Variants in NOP14 observed in about 807,000 individuals in gnomAD.
NOP14 encodes NOP14 nucleolar protein, also known as nucleolar protein 14.
Under a neutral mutation model 101.6 loss-of-function variants are expected in NOP14, and 57 were observed. That is an observed-to-expected ratio of 0.56 (90% CI 0.45 to 0.70). The LOEUF (loss-of-function observed/expected upper bound fraction) is 0.70, where lower values mean the gene tolerates loss of function less well. NOP14 is among the 30% of genes least tolerant of loss of function. The pLI is 0.00. For missense variants in NOP14, 1,134 were observed against 1,075.5 expected (o/e 1.05, Z -0.76); for synonymous variants, 428 against 424.0 (o/e 1.01, Z -0.12).
Position 2,944,112 on chromosome 4 carries a change from C to G in NOP14, c.1852G>C (p.Gly618Arg). The change falls in exon 13 of 18, where the codon GGG becomes CGG. Residue 618 changes from glycine to arginine, a missense_variant. Physicochemically the swap from Gly to Arg is moderately radical, Grantham distance 125. Coordinates refer to ENST00000416614, the MANE Select transcript of NOP14 (RefSeq NM_001291978.2). ...FIPELINFLL[G>R]ILYIATPNKA... ...TTTGGAGTTGCTATGTAAAGAATCC[C>G]AAGAAGAAAATTAATAAGCTCAGGT... 1.2e-6 allele frequency: 2 copies of G among 1,613,122 alleles called. No individual in the cohort carries two copies. The highest frequency in any genetic ancestry group is 1.7e-6 in the Non-Finnish European group (2 of 1,179,622).
intron 11 of NOP14, among the ~76,000 whole-genome samples, chr4:2,946,174 AGATCACCCTCACTGCCGTGCACT>A (rs1714620035): frequency 9.9e-6 from 1 of 100,766 alleles, no homozygotes; most frequent in African/African-American, 4.3e-5. Flanking sequence ...TGCACTCTCC[AGATCACCCTCACTGCCGTGCACT>A]CTCCAGATCA....
In NOP14 at chr4:2,950,123, A is replaced by T. The variant is rs1368495148; in HGVS notation, c.1093T>A (p.Ser365Thr). The T allele has an allele frequency of 1.2e-6, 2 of 1,614,004 alleles. No homozygotes were observed. The highest frequency in any genetic ancestry group is 4.5e-5 in the East Asian group (2 of 44,888). ...CTCTCCTCTGTGTCCTCCCCGCCTG[A>T]ACTGTCACCTTCTTCCTCGTTGCTC... ...PESNEEEGDS[S>T]GGEDTEESDS... Residue 365 changes from serine (S) to threonine (T), a missense_variant, in exon 8 of 18, where the codon TCA (serine) becomes ACA (threonine). Ser to Thr is a moderately conservative substitution (Grantham distance 58). Transcript: ENST00000416614.
At chr4:2,956,613 G>A in intron 3 of NOP14, 57 bp downstream of exon 3, 1 of 1,528,076 alleles carries the variant, frequency 6.5e-7, no homozygotes, top group Non-Finnish European at 8.8e-7. Context: ...GTCTAACAAT[G>A]AACAGACTCT....
At chr4:2,944,049 G>C in intron 13 of NOP14, 24 bp downstream of exon 13, 1 of 1,579,110 alleles carries the variant, frequency 6.3e-7, no homozygotes, top group South Asian at 1.2e-5. Context: ...CATATTTGTA[G>C]GAACCTCCCT....
chr4:2,947,803 G>A (rs1044744168), intron 9 of NOP14, 192 bp from the exon 10 acceptor site: 8 of 606,700 alleles, frequency 1.3e-5, no homozygotes, highest in African/African-American at 1.1e-4. Context: ...ACTAGAAGGT[G>A]TAGGGGGGAG....
intron 1 of NOP14, among the ~76,000 whole-genome samples, chr4:2,958,812 C>T (rs1009506787): frequency 6.6e-6 from 1 of 152,160 alleles, no homozygotes; most frequent in South Asian, 2.1e-4. Flanking sequence ...TAGGTCACTT[C>T]CCCAGGGTCG....
In NOP14 at chr4:2,950,034, C is replaced by T; in HGVS notation, c.1182G>A (p.Lys394=). 6.2e-7 allele frequency: 1 copy of T among 1,614,232 alleles called. No homozygotes were observed. Among genetic ancestry groups the T allele is most frequent in the East Asian group, 2.2e-5 (1 of 44,880 alleles). Reference sequence around the variant, plus strand: ...GAGTCTGCCTCTGCTCTTTTGCTGGCTTCTCGTTTTCTTCCTCACTCTCCA... The same window carrying T: ...GAGTCTGCCTCTGCTCTTTTGCTGGTTTCTCGTTTTCTTCCTCACTCTCCA... The part of the protein sequence containing the change: ...SNVESEEENE[K]PAKEQRQTPG... Residue 394 remains lysine (K), a synonymous_variant, in exon 8 of 18, where the codon AAG becomes AAA. Coordinates refer to ENST00000416614, the MANE Select transcript of NOP14 (RefSeq NM_001291978.2).
chr4:2,954,266 T>C (rs1043145320), intron 4 of NOP14, among the ~76,000 whole-genome samples, 158 bp downstream of exon 4: 4 of 152,230 alleles, frequency 2.6e-5, no homozygotes, highest in African/African-American at 7.2e-5. Flanking sequence ...ATATGCTTTA[T>C]GTGATTTTTA....
In NOP14 at chr4:2,942,251, G is replaced by A; in HGVS notation, c.1992C>T (p.Leu664=). 2 of 1,614,144 alleles carry A rather than the reference G, an allele frequency of 1.2e-6. No homozygotes were observed. The highest frequency in any genetic ancestry group is 1.3e-5 in the African/African-American group (1 of 75,064). ...TCAGTCTACTCGCCCAGCGGAGGGA[G>A]AGGCTGCTCTGCTGCCACGTGGCCA... ...EDVATWQQSS[L]SLRWASRLRA... Residue 664 remains leucine (L), a synonymous_variant, in exon 14 of 18, where the codon CTC becomes CTT. Coordinates refer to ENST00000416614, the MANE Select transcript of NOP14 (RefSeq NM_001291978.2).
rs553327785 is a variant in NOP14 at position 2,938,610 on chromosome 4, GTCC to G, written c.*218_*220del. On this transcript the variant is annotated 3_prime_UTR_variant, in exon 18 of 18. Coordinates refer to ENST00000416614, the MANE Select transcript of NOP14 (RefSeq NM_001291978.2). ...TGTAACCTTGGACTCAGCTCAAGCA[GTCC>G]TCCTGCTTCAGCCTCCCGAGTAGTT... 2.5e-5 allele frequency: 14 copies of G among 550,302 alleles called. No individual in the cohort carries two copies. The highest frequency in any genetic ancestry group is 7.6e-5 in the African/African-American group (4 of 52,920). The allele number at this position is 550,302 out of a possible 1,614,324, so 34.1% of individuals were successfully genotyped here. A position where few individuals can be genotyped will look rare whatever the true frequency, so the allele number is the denominator to read the frequency against.
In NOP14 at chr4:2,963,239, G is replaced by A; in HGVS notation, c.81C>T (p.Ala27=). ...CTTTCACCTCGAACGGATTGGAGTT[G>A]GCCTTCGCCGGGCCCCCTCGCGCTC... The part of the protein sequence containing the change: ...PAGARGGPAK[A]NSNPFEVKVN... The change falls in exon 1 of 18, where the codon GCC becomes GCT. Residue 27 remains alanine, a synonymous_variant. Transcript: ENST00000416614. 6.3e-7 allele frequency: 1 copy of A among 1,590,406 alleles called. No homozygotes were observed. Among genetic ancestry groups the A allele is most frequent in the Non-Finnish European group, 8.5e-7 (1 of 1,170,934 alleles).
chr4:2,947,556 G>C lies in NOP14; in HGVS notation c.1469C>G (p.Pro490Arg). 1.9e-6 allele frequency: 3 copies of C among 1,613,888 alleles called. No individual in the cohort carries two copies. In the South Asian group the frequency reaches 3.3e-5, roughly 18 times the overall value. ...YVGDLATDDPPDLTVIDKLVV... is the reference protein window; with the variant it reads ...YVGDLATDDPRDLTVIDKLVV... ...CAACTTATCAATGACTGTGAGGTCT[G>C]GTGGGTCATCTGTAGCCAAATCGCC... Residue 490 changes from proline to arginine, a missense_variant, in exon 10 of 18, where the codon CCA (proline) becomes CGA (arginine). By Grantham distance (103) the Pro-to-Arg change is moderately radical. Coordinates refer to ENST00000416614, the MANE Select transcript of NOP14 (RefSeq NM_001291978.2).
chr4:2,957,024 CAG>C (rs1292685627), intron 2 of NOP14, among the ~76,000 whole-genome samples: 5 of 151,928 alleles, frequency 3.3e-5, no homozygotes, highest in African/African-American at 1.2e-4. Context: ...TTCCTTCAGA[CAG>C]AGTCTCGCTC....
intron 3 of NOP14, 133 bp from the exon 4 acceptor site, chr4:2,954,696 G>A (rs1017870387): frequency 1.8e-5 from 20 of 1,088,196 alleles, no homozygotes; most frequent in Non-Finnish European, 2.2e-5. Context: ...ATGCTCACAC[G>A]CAACAGCCTG....
chr4:2,951,273 G>A (rs1170598064), intron 6 of NOP14, 28 bp from the exon 7 acceptor site: 2 of 1,610,464 alleles, frequency 1.2e-6, no homozygotes, highest in African/African-American at 1.3e-5. Flanking sequence ...AGATGTCTTA[G>A]AGCACACTCT....
intron 7 of NOP14, 41 bp downstream of exon 7, chr4:2,951,071 TAA>T: frequency 6.5e-7 from 1 of 1,536,532 alleles, no homozygotes; most frequent in Non-Finnish European, 8.8e-7. Flanking sequence ...GTTTTTAAAT[TAA>T]AAAAAGAGAG....
At position 2,956,679 on chromosome 4, in the gene NOP14, T is replaced by C; in HGVS notation, c.463A>G (p.Thr155Ala). ...DSDSDAEDRGTLSAELTAAHF... is the reference protein window; with the variant it reads ...DSDSDAEDRGALSAELTAAHF... ...AGCACCCCAGCCTCACCAGACAACG[T>C]TCCTCGATCCTCAGCATCGCTGTCA... is the stretch of plus-strand genomic sequence containing the variant. Residue 155 changes from threonine (T) to alanine (A), a missense_variant, in exon 3 of 18, where the codon ACG becomes GCG. Transcript: ENST00000416614. 6.2e-7 allele frequency: 1 copy of C among 1,612,058 alleles called. No homozygotes were observed. The highest frequency in any genetic ancestry group is 8.5e-7 in the Non-Finnish European group (1 of 1,179,458).
chr4:2,944,019 A>G (rs767938304), intron 13 of NOP14, 54 bp downstream of exon 13: 13 of 1,472,898 alleles, frequency 8.8e-6, no homozygotes, highest in Non-Finnish European at 1.2e-5. Context: ...TGAACTACTT[A>G]AAAAAATTCT....
intron 1 of NOP14, among the ~76,000 whole-genome samples, chr4:2,960,485 T>C (rs1377317565): frequency 6.6e-6 from 1 of 151,990 alleles, no homozygotes; most frequent in Non-Finnish European, 1.5e-5. Flanking sequence ...ATTATTGTGA[T>C]TCTCTTTCTT....
Sources: allele counts gnomAD v4.1 joint callset (sites outside exome capture counted in the v4.1 genomes callset), GRCh38; gene constraint gnomAD v4.1.1; transcripts MANE v1.5; gene names NCBI Gene and HGNC (gene_info 2026-07-23, HGNC 2026-07-21).